Variants in SLC25A53 observed in about 807,000 individuals in gnomAD.
SLC25A53 encodes the protein solute carrier family 25 member 53.
A neutral mutation model predicts 15.0 loss-of-function variants in SLC25A53; 5 were observed. The observed-to-expected ratio is 0.33, with a 90% CI of 0.17 to 0.70. The LOEUF is 0.70. Ranked by LOEUF, SLC25A53 falls within the 30% of genes least tolerant of loss-of-function variation. The pLI, the probability that SLC25A53 is intolerant of heterozygous loss-of-function variation, is 0.67. For missense variants in SLC25A53, 216 were observed against 241.6 expected, an observed-to-expected ratio of 0.89 and a Z score of 0.70; for synonymous variants, 95 against 100.0, an observed-to-expected ratio of 0.95 and a Z score of 0.30.
intron 1 of SLC25A53, chrX:104,114,427 C>G (rs782440390): frequency 8.3e-7 from 1 of 1,210,024 alleles, no homozygotes; most frequent in South Asian, 1.8e-5. Context: ...GGCGGCCAAC[C>G]CCAACCTAAG....
At chrX:104,110,412 G>A (rs1158583675) in intron 1 of SLC25A53, among the ~76,000 whole-genome samples, 3 of 111,382 alleles carry the variant, frequency 2.7e-5, no homozygotes, top group African/African-American at 6.6e-5. Context: ...GAGATGGAAG[G>A]TGCTTATCTC....
chrX:104,148,871 G>A (rs782806599), intron 1 of SLC25A53, among the ~76,000 whole-genome samples: 1 of 112,110 alleles, frequency 8.9e-6, no homozygotes, highest in South Asian at 3.7e-4. Context: ...TCACTGAATA[G>A]TTGGCCACTG....
rs782213834 is a variant in SLC25A53 at position 104,104,710 on chromosome X, G to A, written c.548C>T (p.Ala183Val). 3 of 1,211,371 alleles carry A rather than the reference G, an allele frequency of 2.5e-6. No homozygotes were observed. In the East Asian group the frequency reaches 8.9e-5, roughly 36 times the overall value. Residue 183 changes from alanine (A) to valine (V), a missense_variant, in exon 2 of 2, where the codon GCC (alanine) becomes GTC (valine). Transcript: ENST00000594199. ...TAGAGCACTCCCCAGGCTGTTCCTG[G>A]CCAGGACAGGCCAGAAACCACGATA... ...GYYRGFWPVL[A>V]RNSLGSALYF... is the part of the protein sequence containing the mutation.
chrX:104,133,202 C>A (rs1182487794), intron 1 of SLC25A53, among the ~76,000 whole-genome samples: 2 of 112,170 alleles, frequency 1.8e-5, no homozygotes, highest in African/African-American at 6.5e-5. Context: ...TGATTGAACA[C>A]GTTTCCTATG....
At chrX:104,123,545 A>ATTTT (rs59026732) in intron 1 of SLC25A53, among the ~76,000 whole-genome samples, 1 of 104,242 alleles carries the variant, frequency 9.6e-6, no homozygotes, top group East Asian at 3.0e-4. Context: ...TGATTTGTTT[A>ATTTT]TTTTTTTTTT....
intron 1 of SLC25A53, among the ~76,000 whole-genome samples, chrX:104,108,449 G>T (rs1556357100): frequency 9.0e-6 from 1 of 111,375 alleles, no homozygotes. Flanking sequence ...TGCTCCTTCT[G>T]GATGCTCTCG....
intron 1 of SLC25A53, chrX:104,115,465 A>G (rs2075373404): frequency 5.5e-6 from 3 of 544,142 alleles, no homozygotes; most frequent in Non-Finnish European, 8.9e-6. Flanking sequence ...GGTCTTGCAT[A>G]CCAGCACAGT....
chrX:104,108,099 T>C (rs1249664912), intron 1 of SLC25A53, among the ~76,000 whole-genome samples: 1 of 111,839 alleles, frequency 8.9e-6, no homozygotes, highest in East Asian at 2.8e-4. Context: ...TAATATGTAA[T>C]CCATTTTATA....
At chrX:104,151,716 C>T (rs781938764) in intron 1 of SLC25A53, among the ~76,000 whole-genome samples, 1 of 112,023 alleles carries the variant, frequency 8.9e-6, no homozygotes, top group Non-Finnish European at 1.9e-5. Context: ...CCAAAATTCT[C>T]CTTCACAACC....
At chrX:104,136,310 G>A (rs2075436530) in intron 1 of SLC25A53, among the ~76,000 whole-genome samples, 1 of 111,161 alleles carries the variant, frequency 9.0e-6, no homozygotes, top group Non-Finnish European at 1.9e-5. Flanking sequence ...GCATAGCAGA[G>A]GAAACGGCAG....
At chrX:104,152,144 G>A (rs2075486539) in intron 1 of SLC25A53, among the ~76,000 whole-genome samples, 1 of 109,608 alleles carries the variant, frequency 9.1e-6, no homozygotes, top group Admixed American at 9.7e-5. Context: ...TGTTACATAT[G>A]TATACATGTG....
chrX:104,115,946 A>T (rs2075375471), intron 1 of SLC25A53: 1 of 116,426 alleles, frequency 8.6e-6, no homozygotes, highest in Non-Finnish European at 1.9e-5. Flanking sequence ...GTTTTTATCG[A>T]CCTCATTTAT....
At chrX:104,135,005 T>C (rs1556366218) in intron 1 of SLC25A53, among the ~76,000 whole-genome samples, 2 of 111,138 alleles carry the variant, frequency 1.8e-5, no homozygotes, top group East Asian at 5.7e-4. Context: ...CCAGCCACAC[T>C]GAATTACTCT....
In SLC25A53 at chrX:104,105,238, G is replaced by A. The variant is rs1303799622; in HGVS notation, c.20C>T (p.Ser7Phe). ...CCTGTGCTGAAGCTCCTTCCCGGGA[G>A]AGTGGTTCTGCTCCCCCATGCTGAA... Reference protein sequence around the residue: MGEQNHSPGKELQHRTR... With the variant: MGEQNHFPGKELQHRTR... The change falls in exon 2 of 2, where the codon TCT (serine) becomes TTT (phenylalanine). Residue 7 changes from serine (S) to phenylalanine (F), a missense_variant. Ser to Phe is a radical substitution (Grantham distance 155). Coordinates refer to ENST00000594199, the MANE Select transcript of SLC25A53 (RefSeq NM_001012755.5). 3 of 1,206,249 alleles carry A rather than the reference G, an allele frequency of 2.5e-6. No homozygotes were observed. The highest frequency in any genetic ancestry group is 3.5e-5 in the African/African-American group (2 of 57,239).
At chrX:104,110,138 T>G (rs2075332404) in intron 1 of SLC25A53, among the ~76,000 whole-genome samples, 1 of 111,985 alleles carries the variant, frequency 8.9e-6, no homozygotes, top group African/African-American at 3.3e-5. Context: ...CTTGGTCCTA[T>G]GTGATTCCAT....
intron 1 of SLC25A53, among the ~76,000 whole-genome samples, chrX:104,148,856 G>T (rs1255914954): frequency 8.9e-5 from 10 of 111,919 alleles, no homozygotes; most frequent in African/African-American, 2.6e-4. Flanking sequence ...AAAAAATCTT[G>T]TTACTCACTG....
At position 104,102,345 on chromosome X, in the gene SLC25A53, A is replaced by G. The variant is rs1241814176; in HGVS notation, c.*1989T>C. ...GAAATCCTCAAAATTCCAGAGTTGA[A>G]ACAAATGGTACAGTTGTACAGTGTG... On this transcript the variant is annotated 3_prime_UTR_variant, in exon 2 of 2. Transcript: ENST00000594199. 1 of 112,570 alleles carries G rather than the reference A, an allele frequency of 8.9e-6. No individual in the cohort carries two copies. Among genetic ancestry groups the G allele is most frequent in the Non-Finnish European group, 1.9e-5 (1 of 53,345 alleles). The allele number at this position is 112,570 out of a possible 1,213,427, so 9.3% of individuals were successfully genotyped here. A position where few individuals can be genotyped will look rare whatever the true frequency, so the allele number is the denominator to read the frequency against.
intron 1 of SLC25A53, among the ~76,000 whole-genome samples, chrX:104,119,904 T>G (rs1336008623): frequency 8.9e-6 from 1 of 111,772 alleles, no homozygotes; most frequent in East Asian, 2.8e-4. Flanking sequence ...CTTTCCTTTA[T>G]AGCTTTACCA....
chrX:104,136,467 C>G (rs1049363527), intron 1 of SLC25A53, among the ~76,000 whole-genome samples: 23 of 111,857 alleles, frequency 2.1e-4, no homozygotes, highest in Non-Finnish European at 3.8e-4. Context: ...CCAAGACCAT[C>G]AGAACAAAGG....
Sources: gnomAD v4.1 joint callset for allele counts (sites outside exome capture counted in the v4.1 genomes callset) on GRCh38, gnomAD v4.1.1 for gene constraint, MANE v1.5 for transcripts, NCBI Gene and HGNC (gene_info 2026-07-23, HGNC 2026-07-21) for gene names.